The following NEB variants were observed in gnomAD, a reference collection of about 807,000 sequenced individuals.
NEB encodes nemaline myopathy type 2.
In NEB, 512 loss-of-function variants were observed where a neutral mutation model predicts 952.2. The ratio of observed to expected loss-of-function variants is 0.54; its 90% CI spans 0.50 to 0.58. NEB has a LOEUF of 0.58. NEB is among the 20% of genes least tolerant of loss of function. The probability of loss-of-function intolerance (pLI) is 0.00; values close to 1 mark genes in which losing one functional copy is unlikely to be tolerated. For synonymous variants in NEB, 2,900 were observed against 3,149.8 expected (o/e 0.92, Z 2.66); for missense variants, 8,428 against 9,231.1 (o/e 0.91, Z 3.56).
rs201541240 is a variant in NEB at position 151,677,623 on chromosome 2, C to A, written c.3716G>T (p.Ser1239Ile). Reference sequence around the variant, plus strand: ...GACCATAACTGGGGAGTCCACAATGCTGGTAAATTTGAGGGTGTCTGGATG... The same window carrying A: ...GACCATAACTGGGGAGTCCACAATGATGGTAAATTTGAGGGTGTCTGGATG... ...RQHPDTLKFT[S>I]IVDSPVMVQA... Residue 1239 changes from serine to isoleucine, a missense_variant, in exon 34 of 182, where the codon AGC (serine) becomes ATC (isoleucine). Around this residue, in one of 11 missense-constraint regions of NEB, gnomAD observed 2,851 missense variants for 2,791.5 expected, o/e 1.02. Coordinates refer to ENST00000397345, the MANE Select transcript of NEB (RefSeq NM_001164508.2). 7.1e-5 allele frequency: 115 copies of A among 1,613,864 alleles called. No homozygotes were observed. Among genetic ancestry groups the A allele is most frequent in the Non-Finnish European group, 9.6e-5 (113 of 1,179,890 alleles).
intron 38 of NEB, 48 bp downstream of exon 38, chr2:151,670,975 C>T (rs1476811300): frequency 6.5e-7 from 1 of 1,548,438 alleles, no homozygotes; most frequent in Non-Finnish European, 8.9e-7. Context: ...GCGGCTCAGA[C>T]ACGTGTGGTT....
At chr2:151,553,805 TA>T in intron 126 of NEB, 22 bp downstream of exon 126, 1 of 1,587,224 alleles carries the variant, frequency 6.3e-7, no homozygotes, top group African/African-American at 1.3e-5. Flanking sequence ...CGTGGAGGGG[TA>T]CTTCTTAAGT....
Position 151,612,300 on chromosome 2 carries a change from T to A in NEB, c.11691A>T (p.Gly3897=). Residue 3897 remains glycine (G), a synonymous_variant, in exon 78 of 182, where the codon GGA becomes GGT. Transcript: ENST00000397345. ...SVEVEKVKRA[G]EILSDRKYRQ... is the part of the protein sequence containing the mutation. ...GATACTTCCTGTCACTCAGGATTTC[T>A]CCAGCTCTCTTCACTTTCTCGACCT... 2 of 1,613,860 alleles carry A rather than the reference T, an allele frequency of 1.2e-6. No homozygotes were observed. Among genetic ancestry groups the A allele is most frequent in the Non-Finnish European group, 1.7e-6 (2 of 1,179,818 alleles).
At position 151,616,030 on chromosome 2, in the gene NEB, G is replaced by C; in HGVS notation, c.11261C>G (p.Ala3754Gly). 6.2e-7 allele frequency: 1 copy of C among 1,612,914 alleles called. No homozygotes were observed. Among genetic ancestry groups the C allele is most frequent in the Non-Finnish European group, 8.5e-7 (1 of 1,179,536 alleles). ...LRLDAIPIQAAKASRDIASDY... is the reference protein window; with the variant it reads ...LRLDAIPIQAGKASRDIASDY... ...ACTAGCAATATCTCTTGAAGCCTTG[G>C]CTGCTTGGATTGGAATGGCATCCAG... The change falls in exon 76 of 182, where the codon GCC becomes GGC. Residue 3754 changes from alanine to glycine, a missense_variant. Around this residue, in one of 11 missense-constraint regions of NEB, gnomAD observed 1,772 missense variants for 1,960.3 expected, o/e 0.90. Transcript: ENST00000397345.
intron 143 of NEB, 86 bp from the exon 144 acceptor site, chr2:151,531,982 G>T: frequency 1.3e-6 from 1 of 754,744 alleles, no homozygotes. Flanking sequence ...ACACCAGAGT[G>T]GGAGATGGTA....
chr2:151,516,459 C>A lies in NEB; in HGVS notation c.22905G>T (p.Gly7635=), dbSNP rs1210500854. The A allele has an allele frequency of 1.9e-6, 3 of 1,603,908 alleles. No homozygotes were observed. The highest frequency in any genetic ancestry group is 8.5e-7 in the Non-Finnish European group (1 of 1,171,698). Residue 7635 remains glycine, a splice_region_variant and synonymous_variant, in exon 157 of 182, where the codon GGG becomes GGT. Transcript: ENST00000397345. ...TAKESQQMQS[G]KEYRKDYEES... ...GTGTGGTGTGGTTTTTTTGACTTACCCCACTCTGCATCTGCTGAGACTCTT... is the reference window on the plus strand; with the variant it reads ...GTGTGGTGTGGTTTTTTTGACTTACACCACTCTGCATCTGCTGAGACTCTT...
chr2:151,573,577 C>T (rs1319529436), intron 107 of NEB, among the ~76,000 whole-genome samples: 1 of 152,198 alleles, frequency 6.6e-6, no homozygotes, highest in African/African-American at 2.4e-5. Context: ...AAACATTAGT[C>T]CCCAAGTGGC....
Position 151,506,900 on chromosome 2 carries a change from T to G in NEB, c.23556+9A>C, listed in dbSNP as rs1226676144. On this transcript the variant is annotated intron_variant, in intron 163 of 181. Transcript: ENST00000397345. ...TTAGCATTAAATGCAAAATAAATAG[T>G]AAATATACCGAGCTGAAATTCTTCT... 3.2e-6 allele frequency: 5 copies of G among 1,560,150 alleles called. 1 individual carries two copies. In the Middle Eastern group the frequency reaches 6.9e-4, roughly 216 times the overall value.
intron 131 of NEB, 131 bp downstream of exon 131, chr2:151,548,177 A>G (rs1365342729): frequency 6.6e-6 from 5 of 760,184 alleles, no homozygotes; most frequent in Non-Finnish European, 8.7e-6. Context: ...AAATGTGACA[A>G]TAAGGACCTT....
chr2:151,548,557 A>C, intron 130 of NEB, 142 bp from the exon 131 acceptor site: 1 of 599,858 alleles, frequency 1.7e-6, no homozygotes, highest in South Asian at 2.2e-5. Flanking sequence ...TCATTGACAA[A>C]ATTTCAATAT....
At chr2:151,601,410 T>C (rs1207449772) in intron 88 of NEB, among the ~76,000 whole-genome samples, 2 of 143,888 alleles carry the variant, frequency 1.4e-5, no homozygotes, top group African/African-American at 5.3e-5. Context: ...ATGCCTTGCC[T>C]GAAATAATTT....
chr2:151,611,383 C>T (rs748807974), intron 78 of NEB, among the ~76,000 whole-genome samples: 6 of 152,134 alleles, frequency 3.9e-5, no homozygotes, highest in African/African-American at 9.7e-5. Flanking sequence ...AGATACTCAA[C>T]GATTTTTTGG....
chr2:151,491,555 T>C, intron 179 of NEB, 128 bp downstream of exon 179: 1 of 786,484 alleles, frequency 1.3e-6, no homozygotes, highest in South Asian at 1.6e-5. Flanking sequence ...GGTATTTTTA[T>C]GCCAAATGGG....
Position 151,672,640 on chromosome 2 carries a change from T to G in NEB, c.4028A>C (p.His1343Pro), listed in dbSNP as rs367594330. 6.2e-7 allele frequency: 1 copy of G among 1,613,874 alleles called. No individual in the cohort carries two copies. The change falls in exon 37 of 182, where the codon CAT (histidine) becomes CCT (proline). Residue 1343 changes from histidine to proline, a missense_variant. His to Pro is a moderately conservative substitution (Grantham distance 77). Transcript: ENST00000397345. The part of the protein sequence containing the change: ...KEAYEKSKGK[H>P]VGFRSLQDDP... ...ATCCTGGAGGCTTCTGAAACCCACA[T>G]GCTTTCCCTTTGACTTCTCATAAGC...
chr2:151,722,542 ATTGT>A (rs896257440), intron 9 of NEB, among the ~76,000 whole-genome samples: 13 of 151,928 alleles, frequency 8.6e-5, no homozygotes, highest in African/African-American at 2.9e-4. Flanking sequence ...TGGTGTGGTC[ATTGT>A]TTGTTTGTTT....
At chr2:151,648,453 T>G (rs2098989726) in intron 54 of NEB, among the ~76,000 whole-genome samples, 1 of 152,218 alleles carries the variant, frequency 6.6e-6, no homozygotes, top group Non-Finnish European at 1.5e-5. Context: ...TTAAAAAATT[T>G]TTTTATTTCC....
intron 38 of NEB, among the ~76,000 whole-genome samples, chr2:151,669,985 C>G (rs913586202): frequency 1.3e-5 from 2 of 152,152 alleles, no homozygotes; most frequent in African/African-American, 4.8e-5. Context: ...GGAGTTCACA[C>G]AGGGAGGTGT....
intron 135 of NEB, among the ~76,000 whole-genome samples, chr2:151,544,135 TGTG>T (rs2094435068): frequency 6.6e-6 from 1 of 152,170 alleles, no homozygotes; most frequent in South Asian, 2.1e-4. Context: ...GAGAGGCAAA[TGTG>T]GTGCAAACTG....
rs2090434299 is a variant in NEB at position 151,531,024 on chromosome 2, A to T, written c.21600T>A (p.His7200Gln). The T allele has an allele frequency of 6.2e-7, 1 of 1,613,384 alleles. No homozygotes were observed. The highest frequency in any genetic ancestry group is 8.5e-7 in the Non-Finnish European group (1 of 1,179,582). The change falls in exon 145 of 182, where the codon CAT (histidine) becomes CAA (glutamine). Residue 7200 changes from histidine to glutamine, a missense_variant. By Grantham distance (24) the His-to-Gln change is conservative. Coordinates refer to ENST00000397345, the MANE Select transcript of NEB (RefSeq NM_001164508.2). ...TTIHDTPMLL[H>Q]VRKVKDEVSD... is the part of the protein sequence containing the mutation. Reference sequence around the variant, plus strand: ...TGACTTCATCTTTAACCTTGCGGACATGCAGCAACATGGGTGTGTCGTGGA... The same window carrying T: ...TGACTTCATCTTTAACCTTGCGGACTTGCAGCAACATGGGTGTGTCGTGGA...
Sources: allele counts gnomAD v4.1 joint callset (sites outside exome capture counted in the v4.1 genomes callset), GRCh38; gene constraint gnomAD v4.1.1; regional missense constraint gnomAD v4.1.1; transcripts MANE v1.5; gene names NCBI Gene and HGNC (gene_info 2026-07-23, HGNC 2026-07-21).